The following PTPRN2 variants were observed in gnomAD, a reference collection of about 807,000 sequenced individuals.
PTPRN2 encodes protein tyrosine phosphatase receptor type N2, also known as receptor-type tyrosine-protein phosphatase N2.
Under a neutral mutation model 118.8 loss-of-function variants are expected in PTPRN2, and 74 were observed. That is an observed-to-expected ratio of 0.62 (90% confidence interval 0.52 to 0.76). The LOEUF is 0.76. Ranked by LOEUF, PTPRN2 falls within the 30% of genes least tolerant of loss-of-function variation. PTPRN2 has a pLI of 0.00. For missense variants in PTPRN2, 1,481 were observed against 1,394.4 expected, an observed-to-expected ratio of 1.06 and a Z score of -0.99; for synonymous variants, 641 against 608.0, an observed-to-expected ratio of 1.05 and a Z score of -0.80.
intron 17 of PTPRN2, among the ~76,000 whole-genome samples, chr7:157,589,814 G>A (rs1191593896): frequency 1.3e-5 from 2 of 152,188 alleles, no homozygotes; most frequent in South Asian, 2.1e-4. Context: ...AAAGTTTTAC[G>A]CACCACCAAG....
At chr7:157,549,121 A>G (rs1047929434) in intron 21 of PTPRN2, 102 bp from the exon 22 acceptor site, 46 of 1,122,946 alleles carry the variant, frequency 4.1e-5, no homozygotes, top group African/African-American at 6.1e-5. Flanking sequence ...TGAGAGGCCA[A>G]TTGAAAATTA....
At chr7:157,712,158 A>T (rs989938771) in intron 12 of PTPRN2, among the ~76,000 whole-genome samples, 11 of 151,550 alleles carry the variant, frequency 7.3e-5, no homozygotes, top group Admixed American at 5.9e-4. Flanking sequence ...TCCTACCCCA[A>T]GGGGAGAGCA....
In PTPRN2 at chr7:158,538,231, C is replaced by T. The variant is rs1025036727; in HGVS notation, c.113-48446G>A. The stretch of plus-strand genomic sequence containing the variant: ...AAAATGTGGGGACACTTTTCATACT[C>T]GACGTAGCCCACAGCCAGGTCTGTG... On this transcript the variant is annotated intron_variant, in intron 1 of 22. Transcript: ENST00000389418. 4.6e-5 allele frequency among the ~76,000 whole-genome samples: 7 copies of T among 152,352 alleles called. No homozygotes were observed. In the South Asian group the frequency reaches 8.3e-4, roughly 18 times the overall value.
intron 4 of PTPRN2, 51 bp downstream of exon 4, chr7:158,205,120 C>T (rs773933325): frequency 5.4e-5 from 75 of 1,380,486 alleles, no homozygotes; most frequent in Middle Eastern, 1.8e-4. Context: ...AGTGTAATGG[C>T]TATGGACTGT....
In PTPRN2 at chr7:157,964,626, T is replaced by C. The variant is rs1408845014; in HGVS notation, c.1724-65889A>G. ...GGGCCCTTGAGTCTGTCTCACGCCA[T>C]TAACACCCTGTGATGGCCTTACTTG... On this transcript the variant is annotated intron_variant, in intron 11 of 22. Coordinates refer to ENST00000389418, the MANE Select transcript of PTPRN2 (RefSeq NM_002847.5). This position sits in a 1 kb window ranked among gnomAD's most constrained non-coding sequence, Gnocchi z 9.0. 6.6e-6 allele frequency among the ~76,000 whole-genome samples: 1 copy of C among 152,130 alleles called. No homozygotes were observed. The highest frequency in any genetic ancestry group is 2.4e-5 in the African/African-American group (1 of 41,438).
At chr7:158,070,306 T>G (rs1283704545) in intron 11 of PTPRN2, among the ~76,000 whole-genome samples, 1 of 138,336 alleles carries the variant, frequency 7.2e-6, no homozygotes, top group East Asian at 2.2e-4. Context: ...GTGGAGGTGC[T>G]CCTGGTGGTG....
intron 6 of PTPRN2, among the ~76,000 whole-genome samples, chr7:158,146,726 A>C (rs1420957699): frequency 6.6e-6 from 1 of 151,498 alleles, no homozygotes; most frequent in East Asian, 1.9e-4. Flanking sequence ...GCCTCAAAAA[A>C]AAAAAAAAAG....
intron 2 of PTPRN2, among the ~76,000 whole-genome samples, chr7:158,337,163 C>A (rs1394123918): frequency 1.3e-5 from 2 of 152,152 alleles, no homozygotes; most frequent in African/African-American, 4.8e-5. Flanking sequence ...TAAGAGGTGA[C>A]ACCTGCAGAC....
intron 3 of PTPRN2, among the ~76,000 whole-genome samples, chr7:158,275,766 CAGA>C (rs1457015551): frequency 1.3e-5 from 2 of 152,146 alleles, no homozygotes; most frequent in Non-Finnish European, 2.9e-5. Context: ...GCCGAACTCC[CAGA>C]AGAAGAGTTG....
At position 157,964,333 on chromosome 7, in the gene PTPRN2, C is replaced by A. The variant is rs1801755551; in HGVS notation, c.1724-65596G>T. Among the ~76,000 whole-genome samples, 1 of 152,160 alleles carries A rather than the reference C, an allele frequency of 6.6e-6. No individual in the cohort carries two copies. Among genetic ancestry groups the A allele is most frequent in the East Asian group, 1.9e-4 (1 of 5,174 alleles). Reference sequence around the variant, plus strand: ...GTAGAGATGTGGAAGCTGGACCCCACCCCCCAGGCTAATTCATCAGCAAGA... The same window carrying A: ...GTAGAGATGTGGAAGCTGGACCCCAACCCCCAGGCTAATTCATCAGCAAGA... On this transcript the variant is annotated intron_variant, in intron 11 of 22. Coordinates refer to ENST00000389418, the MANE Select transcript of PTPRN2 (RefSeq NM_002847.5). The surrounding 1 kb of genome is among the most constrained non-coding windows in gnomAD (Gnocchi z 9.0).
chr7:157,875,128 G>A lies in PTPRN2; in HGVS notation c.1788+23545C>T, dbSNP rs75440557. Among the ~76,000 whole-genome samples the A allele has an allele frequency of 6.5e-3, 996 of 152,288 alleles. 51 individuals carry two copies. In the East Asian group the frequency reaches 0.12, roughly 19 times the overall value. ...AGACTTGTGGTCTGACAGCCGTACA[G>A]GAAGTATGTCCCAGGAGGAGCCCAG... On this transcript the variant is annotated intron_variant, in intron 12 of 22. Coordinates refer to ENST00000389418, the MANE Select transcript of PTPRN2 (RefSeq NM_002847.5).
chr7:158,552,222 C>A (rs1035894920), intron 1 of PTPRN2, among the ~76,000 whole-genome samples: 1 of 151,660 alleles, frequency 6.6e-6, no homozygotes, highest in African/African-American at 2.4e-5. Context: ...CTAATGCATG[C>A]ATTTGGGGGG....
Position 158,298,229 on chromosome 7 carries a change from C to T in PTPRN2, c.277+18590G>A, listed in dbSNP as rs1800632958. 2.0e-5 allele frequency among the ~76,000 whole-genome samples: 3 copies of T among 152,044 alleles called. No individual in the cohort carries two copies. In the South Asian group the frequency reaches 6.2e-4, roughly 32 times the overall value. On this transcript the variant is annotated intron_variant, in intron 3 of 22. Transcript: ENST00000389418. Reference sequence around the variant, plus strand: ...TTCGTACCTATTTCAGTATTTTCTGCTCTTGTCTTCATTATTTTCTTCTTT... The same window carrying T: ...TTCGTACCTATTTCAGTATTTTCTGTTCTTGTCTTCATTATTTTCTTCTTT...
At chr7:158,300,786 G>A (rs190578498) in intron 3 of PTPRN2, among the ~76,000 whole-genome samples, 2 of 152,188 alleles carry the variant, frequency 1.3e-5, no homozygotes, top group African/African-American at 4.8e-5. Context: ...TGGAGGGAGG[G>A]GAGGTGGGCA....
chr7:158,132,687 A>T (rs1333639405), intron 9 of PTPRN2, among the ~76,000 whole-genome samples: 2 of 151,808 alleles, frequency 1.3e-5, no homozygotes, highest in Non-Finnish European at 2.9e-5. Flanking sequence ...ATACACACAC[A>T]TCTACCCAAC....
chr7:158,105,146 G>A (rs1271208342), intron 10 of PTPRN2, among the ~76,000 whole-genome samples: 1 of 143,196 alleles, frequency 7.0e-6, no homozygotes, highest in Non-Finnish European at 1.5e-5. Context: ...TCCATCCTCA[G>A]CTTTATCTCA....
rs563922984 is a variant in PTPRN2, at chr7:157,868,291, C to G, written c.1788+30382G>C. ...TCTGAACAGGGCTCTCTGCAGGCAGCCCCAGGCCTGGAGTTTGCCAAGTGA... is the reference window on the plus strand; with the variant it reads ...TCTGAACAGGGCTCTCTGCAGGCAGGCCCAGGCCTGGAGTTTGCCAAGTGA... On this transcript the variant is annotated intron_variant, in intron 12 of 22. Coordinates refer to ENST00000389418, the MANE Select transcript of PTPRN2 (RefSeq NM_002847.5). This position sits in a 1 kb window ranked among gnomAD's most constrained non-coding sequence, Gnocchi z 5.2. Among the ~76,000 whole-genome samples the G allele has an allele frequency of 4.6e-5, 7 of 152,316 alleles. No individual in the cohort carries two copies. Among genetic ancestry groups the G allele is most frequent in the African/African-American group, 7.2e-5 (3 of 41,554 alleles).
intron 5 of PTPRN2, among the ~76,000 whole-genome samples, chr7:158,191,746 C>T (rs939579171): frequency 1.3e-5 from 2 of 152,176 alleles, no homozygotes; most frequent in Admixed American, 6.5e-5. Context: ...TGGGGTTCGC[C>T]TCCGAGCCTG....
intron 3 of PTPRN2, among the ~76,000 whole-genome samples, chr7:158,227,667 T>G (rs966182280): frequency 6.6e-6 from 1 of 152,188 alleles, no homozygotes; most frequent in East Asian, 1.9e-4. Flanking sequence ...TTACGGAAGA[T>G]GAATGTGCAG....
Sources: allele counts gnomAD v4.1 joint callset (sites outside exome capture counted in the v4.1 genomes callset), GRCh38; gene constraint gnomAD v4.1.1; non-coding constraint Gnocchi (gnomAD v3.1); transcripts MANE v1.5; gene names NCBI Gene and HGNC (gene_info 2026-07-23, HGNC 2026-07-21).